Variants in EPB41L4A observed in about 807,000 individuals in gnomAD.
The protein encoded by EPB41L4A is erythrocyte membrane protein band 4.1 like 4A.
EPB41L4A carries 100 observed loss-of-function variants against 108.6 expected under a neutral mutation model. That is an observed-to-expected ratio of 0.92 (90% CI 0.78 to 1.09). EPB41L4A has a LOEUF of 1.09. Ranked by LOEUF, EPB41L4A falls within the 50% of genes least tolerant of loss-of-function variation. The probability of loss-of-function intolerance (pLI) is 0.00; values close to 1 mark genes in which losing one functional copy is unlikely to be tolerated. For missense variants in EPB41L4A, 1,030 were observed against 842.7 expected, an observed-to-expected ratio of 1.22 and a Z score of -2.75; for synonymous variants, 319 against 289.0, an observed-to-expected ratio of 1.10 and a Z score of -1.05.
chr5:112,374,217 G>A (rs763127914), intron 1 of EPB41L4A, among the ~76,000 whole-genome samples: 2 of 152,302 alleles, frequency 1.3e-5, no homozygotes, highest in Non-Finnish European at 2.9e-5. Flanking sequence ...CATGAAGAAA[G>A]GAGTTCATCT....
Position 112,345,809 on chromosome 5 carries a change from A to G in EPB41L4A, c.100-38319T>C, listed in dbSNP as rs868339884. 1.2e-3 allele frequency among the ~76,000 whole-genome samples: 181 copies of G among 147,582 alleles called. 2 individuals carry two copies. The highest frequency in any genetic ancestry group is 4.3e-3 in the African/African-American group (172 of 39,972). The stretch of plus-strand genomic sequence containing the variant: ...CACACACACACACACACACACACAC[A>G]CACACACACACACGCACACATAAAG... On this transcript the variant is annotated intron_variant, in intron 1 of 22. Transcript: ENST00000261486.
At chr5:112,237,272 G>C (rs1749413541) in intron 11 of EPB41L4A, among the ~76,000 whole-genome samples, 1 of 152,144 alleles carries the variant, frequency 6.6e-6, no homozygotes, top group Admixed American at 6.5e-5. Flanking sequence ...TCAGATTTCA[G>C]CTCAGCCTTT....
At chr5:112,355,203 AC>A (rs1758289713) in intron 1 of EPB41L4A, among the ~76,000 whole-genome samples, 1 of 152,248 alleles carries the variant, frequency 6.6e-6, no homozygotes, top group Non-Finnish European at 1.5e-5. Context: ...AAGTATTCTC[AC>A]TTACTTGGAA....
intron 11 of EPB41L4A, among the ~76,000 whole-genome samples, chr5:112,235,847 G>A (rs1749292051): frequency 6.6e-6 from 1 of 152,182 alleles, no homozygotes; most frequent in Admixed American, 6.5e-5. Flanking sequence ...TTCATGTTCA[G>A]TAACAGTTCA....
intron 3 of EPB41L4A, among the ~76,000 whole-genome samples, chr5:112,279,495 T>C (rs767259539): frequency 7.9e-5 from 12 of 152,196 alleles, no homozygotes; most frequent in Non-Finnish European, 1.5e-4. Context: ...TAAAATGTTT[T>C]GGAGATGGAC....
chr5:112,189,939 C>T (rs956080993), intron 17 of EPB41L4A, among the ~76,000 whole-genome samples: 2 of 152,196 alleles, frequency 1.3e-5, no homozygotes, highest in Non-Finnish European at 2.9e-5. Context: ...GTTTCACTCT[C>T]CTAAGTCTAC....
intron 16 of EPB41L4A, among the ~76,000 whole-genome samples, chr5:112,195,239 G>C (rs1761904032): frequency 1.3e-5 from 2 of 152,100 alleles, no homozygotes; most frequent in African/African-American, 4.8e-5. Flanking sequence ...CAGGCCTCCA[G>C]CCTTTCTGCC....
At chr5:112,176,364 T>A (rs538349692) in intron 18 of EPB41L4A, among the ~76,000 whole-genome samples, 1 of 152,316 alleles carries the variant, frequency 6.6e-6, no homozygotes, top group Non-Finnish European at 1.5e-5. Context: ...CCATCATCCT[T>A]AAGAGTTACA....
At chr5:112,279,648 C>T (rs1752840758) in intron 3 of EPB41L4A, among the ~76,000 whole-genome samples, 1 of 151,882 alleles carries the variant, frequency 6.6e-6, no homozygotes, top group South Asian at 2.1e-4. Context: ...GTATTTTTTG[C>T]GCACTTAAGG....
In EPB41L4A at chr5:112,164,860, T is replaced by TA. The variant is rs1341695867; in HGVS notation, c.*129dup. On this transcript the variant is annotated 3_prime_UTR_variant, in exon 23 of 23. Coordinates refer to ENST00000261486, the MANE Select transcript of EPB41L4A (RefSeq NM_022140.5). The stretch of plus-strand genomic sequence containing the variant: ...AAAAAAAAAAAAAAGAAGCAAAAGA[T>TA]AATGTATTTTCTCATGCTGAAGAAA... 1.1e-6 allele frequency: 1 copy of TA among 915,240 alleles called. No homozygotes were observed. The highest frequency in any genetic ancestry group is 1.5e-6 in the Non-Finnish European group (1 of 647,790). 56.7% of individuals were successfully genotyped at this position (915,240 alleles called of 1,614,324 possible).
At chr5:112,144,687 G>A (rs1759185000) in intron 13 of EPB41L4A, among the ~76,000 whole-genome samples, 1 of 152,188 alleles carries the variant, frequency 6.6e-6, no homozygotes, top group Non-Finnish European at 1.5e-5. Context: ...AGAGATAGAA[G>A]AAAACCTAGA....
At chr5:112,262,856 A>C (rs528745475) in intron 6 of EPB41L4A, among the ~76,000 whole-genome samples, 2 of 152,292 alleles carry the variant, frequency 1.3e-5, no homozygotes, top group East Asian at 3.9e-4. Context: ...TCAGTTTCAG[A>C]AACCCCTAAA....
intron 2 of EPB41L4A, among the ~76,000 whole-genome samples, chr5:112,294,047 T>G (rs948816262): frequency 2.0e-5 from 3 of 152,210 alleles, no homozygotes; most frequent in African/African-American, 7.2e-5. Context: ...CTCCTTTTAT[T>G]ACATACTACA....
At chr5:112,205,565 T>C in intron 13 of EPB41L4A, 61 bp from the exon 14 acceptor site, 6 of 1,283,944 alleles carry the variant, frequency 4.7e-6, no homozygotes, top group Non-Finnish European at 6.6e-6. Context: ...TAAACTCACA[T>C]ACTTATTTGT....
chr5:112,283,866 G>A (rs1262685730), intron 2 of EPB41L4A, among the ~76,000 whole-genome samples: 1 of 152,120 alleles, frequency 6.6e-6, no homozygotes, highest in Non-Finnish European at 1.5e-5. Context: ...ATAAAATCAT[G>A]TACAAGGAAA....
Position 112,146,717 on chromosome 5 carries a change from T to C in EPB41L4A, n.995-719A>G, listed in dbSNP as rs971108624. On this transcript the variant is annotated intron_variant and non_coding_transcript_variant, in intron 12 of 13. Transcript: ENST00000507810. Reference sequence around the variant, plus strand: ...GAGCTGCCTAACCACAGAAGAAAGGTCTATTAATAATTTAACCCTCGTTGC... The same window carrying C: ...GAGCTGCCTAACCACAGAAGAAAGGCCTATTAATAATTTAACCCTCGTTGC... 3.9e-5 allele frequency among the ~76,000 whole-genome samples: 6 copies of C among 151,930 alleles called. No individual in the cohort carries two copies. In the South Asian group the frequency reaches 1.3e-3, roughly 32 times the overall value.
intron 11 of EPB41L4A, among the ~76,000 whole-genome samples, chr5:112,235,158 C>G (rs4470800): frequency 0.073 from 11,057 of 152,200 alleles, 528 homozygotes; most frequent in Admixed American, 0.16. Context: ...TGTAAACCAT[C>G]CCCCACAAGA....
chr5:112,299,177 A>T (rs1754194321), intron 2 of EPB41L4A, among the ~76,000 whole-genome samples: 1 of 151,382 alleles, frequency 6.6e-6, no homozygotes. Context: ...TATTTCCTTC[A>T]TTCTGTTGGG....
At chr5:112,303,259 C>T (rs544692339) in intron 2 of EPB41L4A, among the ~76,000 whole-genome samples, 56 of 152,252 alleles carry the variant, frequency 3.7e-4, no homozygotes, top group African/African-American at 1.2e-3. Context: ...CCACTACTGA[C>T]GGCAGAGAGG....
Sources: allele counts gnomAD v4.1 joint callset (sites outside exome capture counted in the v4.1 genomes callset), GRCh38; gene constraint gnomAD v4.1.1; transcripts MANE v1.5; gene names NCBI Gene and HGNC (gene_info 2026-07-23, HGNC 2026-07-21).